SLC22A31: variants seen among roughly 807,000 people sequenced by gnomAD.
The protein encoded by SLC22A31 is putative solute carrier family 22 member 31.
A neutral mutation model predicts 27.4 loss-of-function variants in SLC22A31; 42 were observed. The ratio of observed to expected loss-of-function variants is 1.53; its 90% CI spans 1.20 to 1.98. SLC22A31 has a LOEUF of 1.98. SLC22A31 is among the 30% of genes most tolerant of loss of function. The probability of loss-of-function intolerance (pLI) is 0.00; values close to 1 mark genes in which losing one functional copy is unlikely to be tolerated. For missense variants in SLC22A31, 593 were observed against 479.9 expected, an observed-to-expected ratio of 1.24 and a Z score of -2.20; for synonymous variants, 290 against 230.8, an observed-to-expected ratio of 1.26 and a Z score of -2.33.
At chr16:89,199,348 G>T in intron 3 of SLC22A31, 65 bp downstream of exon 3, 1 of 726,204 alleles carries the variant, frequency 1.4e-6, no homozygotes, top group Non-Finnish European at 2.2e-6. Context: ...CGGCAAGGGA[G>T]CCTCAGAGGC....
At position 89,198,637 on chromosome 16, in the gene SLC22A31, T is replaced by C; in HGVS notation, c.598+15A>G. 2 of 1,533,054 alleles carry C rather than the reference T, an allele frequency of 1.3e-6. No homozygotes were observed. Among genetic ancestry groups the C allele is most frequent in the Non-Finnish European group, 1.7e-6 (2 of 1,144,704 alleles). 95.0% of individuals were successfully genotyped at this position (1,533,054 alleles called of 1,614,324 possible). A position where few individuals can be genotyped will look rare whatever the true frequency, so the allele number is the denominator to read the frequency against. ...CCAGTACCTGAATCTCCCTCCTCCC[T>C]GGTAGGCGCCTGACCTGTAGCCAGG... is the stretch of plus-strand genomic sequence containing the variant. On this transcript the variant is annotated intron_variant, in intron 5 of 8. Coordinates refer to ENST00000682282, the MANE Select transcript of SLC22A31 (RefSeq NM_001384763.1).
Position 89,197,390 on chromosome 16 carries a change from C to G in SLC22A31, c.942G>C (p.Val314=). ...GGAGCCCCAGGACAGAGAGGAACAG[C>G]ACAGTCCAGCCTGGCAGATCTGGGG... is the stretch of plus-strand genomic sequence containing the variant. The part of the protein sequence containing the change: ...AGAQYLPGWT[V]LFLSVLGLLA... The change falls in exon 8 of 9, where the codon GTG becomes GTC. Residue 314 remains valine, a synonymous_variant. Transcript: ENST00000682282. 1 of 1,535,856 alleles carries G rather than the reference C, an allele frequency of 6.5e-7. No homozygotes were observed. The highest frequency in any genetic ancestry group is 8.7e-7 in the Non-Finnish European group (1 of 1,146,780).
In SLC22A31 at chr16:89,198,559, G is replaced by A. The variant is rs561298101; in HGVS notation, c.599-9C>T. The stretch of plus-strand genomic sequence containing the variant: ...AGACAGCATGGTCAGCTCTGTAGCC[G>A]CAGAGATGTGAGGGGAGGGGGGTGA... On this transcript the variant is annotated splice_polypyrimidine_tract_variant and intron_variant, in intron 5 of 8. Coordinates refer to ENST00000682282, the MANE Select transcript of SLC22A31 (RefSeq NM_001384763.1). 1.4e-5 allele frequency: 21 copies of A among 1,508,930 alleles called. No homozygotes were observed. Among genetic ancestry groups the A allele is most frequent in the Middle Eastern group, 1.7e-4 (1 of 5,858 alleles). The allele number at this position is 1,508,930 out of a possible 1,614,324, so 93.5% of individuals were successfully genotyped here.
chr16:89,199,873 T>A, intron 1 of SLC22A31, 57 bp from the exon 2 acceptor site: 1 of 401,066 alleles, frequency 2.5e-6, no homozygotes, highest in East Asian at 3.6e-5. Flanking sequence ...TGGGGACAGG[T>A]GCAGGGAGTC....
Position 89,195,903 on chromosome 16 carries a change from G to A in SLC22A31, c.*96C>T. The A allele has an allele frequency of 7.6e-7, 1 of 1,322,392 alleles. No individual in the cohort carries two copies. The highest frequency in any genetic ancestry group is 1.0e-6 in the Non-Finnish European group (1 of 1,000,534). 81.9% of individuals were successfully genotyped at this position (1,322,392 alleles called of 1,614,324 possible). A position where few individuals can be genotyped will look rare whatever the true frequency, so the allele number is the denominator to read the frequency against. On this transcript the variant is annotated 3_prime_UTR_variant, in exon 9 of 9. Transcript: ENST00000682282. ...GCACTGAGACACGGGCTTCTGAGAG[G>A]AATGTGTCTGCCCTGGACCAGACGT... is the stretch of plus-strand genomic sequence containing the variant.
rs1407705403 is a variant in SLC22A31, at chr16:89,196,019, G to T, written c.1321C>A (p.His441Asn). 2 of 1,516,942 alleles carry T rather than the reference G, an allele frequency of 1.3e-6. No individual in the cohort carries two copies. The highest frequency in any genetic ancestry group is 2.7e-5 in the African/African-American group (2 of 72,730). The allele number at this position is 1,516,942 out of a possible 1,614,324, so 94.0% of individuals were successfully genotyped here. A position where few individuals can be genotyped will look rare whatever the true frequency, so the allele number is the denominator to read the frequency against. Residue 441 changes from histidine (H) to asparagine (N), a missense_variant, in exon 9 of 9, where the codon CAC becomes AAC. Coordinates refer to ENST00000682282, the MANE Select transcript of SLC22A31 (RefSeq NM_001384763.1). ...CAGGACTAGTGCTGCTCGGGGGTGT[G>T]GCCGGCCCAGTAGGAGTTGGAGGGC... is the stretch of plus-strand genomic sequence containing the variant. ...LPPSNSYWAG[H>N]TPEQH is the part of the protein sequence containing the mutation.
Position 89,197,354 on chromosome 16 carries a change from C to G in SLC22A31, c.978G>C (p.Arg326=). 6.5e-7 allele frequency: 1 copy of G among 1,535,840 alleles called. No individual in the cohort carries two copies. ...AGAGGCTGCTGAGTGCGGACACAGC[C>G]CGGGAGGCCAGGAGCCCCAGGACAG... The part of the protein sequence containing the change: ...FLSVLGLLAS[R]AVSALSSLFA... The change falls in exon 8 of 9, where the codon CGG becomes CGC. Residue 326 remains arginine (R), a synonymous_variant. Coordinates refer to ENST00000682282, the MANE Select transcript of SLC22A31 (RefSeq NM_001384763.1).
In SLC22A31 at chr16:89,196,172, G is replaced by C. The variant is rs1915875910; in HGVS notation, c.1168C>G (p.Leu390Val). Residue 390 changes from leucine (L) to valine (V), a missense_variant, in exon 9 of 9, where the codon CTG becomes GTG. Transcript: ENST00000682282. Reference sequence around the variant, plus strand: ...CTCTCAGGCAGCAGCAGGACACACAGCAGGGCAAGGACAGCAAGGGAGGCG... The same window carrying C: ...CTCTCAGGCAGCAGCAGGACACACACCAGGGCAAGGACAGCAAGGGAGGCG... ...VFASLAVLAL[L>V]CVLLLPESRS... 1 of 1,535,224 alleles carries C rather than the reference G, an allele frequency of 6.5e-7. No individual in the cohort carries two copies. Among genetic ancestry groups the C allele is most frequent in the Non-Finnish European group, 8.7e-7 (1 of 1,146,520 alleles).
intron 1 of SLC22A31, 153 bp from the exon 2 acceptor site, chr16:89,199,969 G>A (rs1461999980): frequency 2.5e-5 from 10 of 398,004 alleles, no homozygotes; most frequent in Middle Eastern, 5.1e-4. Context: ...AGAGGGCAAG[G>A]GGCTTGGTCC....
chr16:89,198,039 G>C, intron 7 of SLC22A31, 83 bp downstream of exon 7: 2 of 1,455,364 alleles, frequency 1.4e-6, no homozygotes, highest in Non-Finnish European at 1.8e-6. Flanking sequence ...CTGCTCCCCT[G>C]TCGGCACTAT....
rs1270636699 is a variant in SLC22A31 at position 89,198,035 on chromosome 16, C to T, written c.922+87G>A. On this transcript the variant is annotated intron_variant, in intron 7 of 8. Transcript: ENST00000682282. ...CTTGGGCTGCCACCCCAGGCTGCTCCCCTGTCGGCACTATGGCCCCCTGGT... is the reference window on the plus strand; with the variant it reads ...CTTGGGCTGCCACCCCAGGCTGCTCTCCTGTCGGCACTATGGCCCCCTGGT... 3.6e-5 allele frequency: 52 copies of T among 1,432,232 alleles called. No homozygotes were observed. In the South Asian group the frequency reaches 6.6e-4, roughly 18 times the overall value. The allele number at this position is 1,432,232 out of a possible 1,614,324, so 88.7% of individuals were successfully genotyped here. A position where few individuals can be genotyped will look rare whatever the true frequency, so the allele number is the denominator to read the frequency against.
intron 8 of SLC22A31, among the ~76,000 whole-genome samples, chr16:89,196,580 C>T (rs1263387579): frequency 1.3e-5 from 2 of 152,216 alleles, no homozygotes; most frequent in African/African-American, 4.8e-5. Flanking sequence ...CTAAGGTTTG[C>T]TGGCTGAGGA....
Position 89,199,036 on chromosome 16 carries a change from G to C in SLC22A31, c.439C>G (p.Leu147Val), listed in dbSNP as rs770917099. The stretch of plus-strand genomic sequence containing the variant: ...CACCACACTTACCCCCAAAAGAGCA[G>C]CAAGAGTCCACTCATCAGGGCACCC... ...GLGALMSGLL[L>V]LFWGFPALFP... The change falls in exon 4 of 9, where the codon CTG (leucine) becomes GTG (valine). Residue 147 changes from leucine (L) to valine (V), a missense_variant. Leu to Val is a conservative substitution (Grantham distance 32, BLOSUM62 1). Coordinates refer to ENST00000682282, the MANE Select transcript of SLC22A31 (RefSeq NM_001384763.1). 1.3e-6 allele frequency: 2 copies of C among 1,535,572 alleles called. No individual in the cohort carries two copies. The highest frequency in any genetic ancestry group is 1.7e-6 in the Non-Finnish European group (2 of 1,146,712).
rs1465952976 is a variant in SLC22A31, at chr16:89,198,309, G to A, written c.735C>T (p.Ser245=). The A allele has an allele frequency of 3.3e-6, 5 of 1,535,928 alleles. No homozygotes were observed. Among genetic ancestry groups the A allele is most frequent in the South Asian group, 1.2e-5 (1 of 84,060 alleles). ...CCTGAGGTGCCAGGCTGCGGCGGAA[G>A]CTAGCTCTGATGCCTCCACCAACCA... The part of the protein sequence containing the change: ...SSLVGGGIRA[S]FRRSLAPQVP... The change falls in exon 7 of 9, where the codon AGC becomes AGT. Residue 245 remains serine (S), a synonymous_variant. Transcript: ENST00000682282.
At chr16:89,201,186 G>A, upstream of SLC22A31, 1 of 376,940 alleles carries the variant, frequency 2.7e-6, no homozygotes, top group Non-Finnish European at 4.7e-6. Context: ...CGCCAGGTAG[G>A]ATGGAGAAAG....
chr16:89,201,382 C>T (rs1413978652), upstream of SLC22A31: 44 of 355,998 alleles, frequency 1.2e-4, no homozygotes, highest in Non-Finnish European at 2.0e-4. Context: ...GTGCAGGGCG[C>T]GGGATCGGGG....
upstream of SLC22A31, among the ~76,000 whole-genome samples, chr16:89,200,925 C>T (rs1483564872): frequency 6.6e-6 from 1 of 152,238 alleles, no homozygotes; most frequent in Non-Finnish European, 1.5e-5. Flanking sequence ...CAGCCCAAAG[C>T]CACGGTCTGC....
chr16:89,195,987 C>A lies in SLC22A31; in HGVS notation c.*12G>T. 1 of 1,473,640 alleles carries A rather than the reference C, an allele frequency of 6.8e-7. No individual in the cohort carries two copies. The highest frequency in any genetic ancestry group is 9.0e-7 in the Non-Finnish European group (1 of 1,115,758). The allele number at this position is 1,473,640 out of a possible 1,614,324, so 91.3% of individuals were successfully genotyped here. On this transcript the variant is annotated 3_prime_UTR_variant, in exon 9 of 9. Transcript: ENST00000682282. ...TTGGTCCCATCCTGGCTCCCAGGGC[C>A]ACCAGGCAGGACTAGTGCTGCTCGG... is the stretch of plus-strand genomic sequence containing the variant.
intron 4 of SLC22A31, 69 bp from the exon 5 acceptor site, chr16:89,198,866 C>CCCCCA: frequency 6.7e-7 from 1 of 1,496,522 alleles, no homozygotes; most frequent in East Asian, 2.5e-5. Context: ...AAGGCCAGGG[C>CCCCCA]CCCCACCCCA....
Sources: allele counts gnomAD v4.1 joint callset (sites outside exome capture counted in the v4.1 genomes callset), GRCh38; gene constraint gnomAD v4.1.1; transcripts MANE v1.5; gene names NCBI Gene and HGNC (gene_info 2026-07-23, HGNC 2026-07-21).